GBF1: variants seen among roughly 807,000 people sequenced by gnomAD.
GBF1 encodes the protein golgi brefeldin A resistant guanine nucleotide exchange factor 1, also known as Golgi-specific brefeldin A-resistance guanine nucleotide exchange factor 1.
Under a neutral mutation model 210.5 loss-of-function variants are expected in GBF1, and 114 were observed. The observed-to-expected ratio is 0.54, with a 90% CI of 0.47 to 0.63. GBF1 has a LOEUF of 0.63. Ranked by LOEUF, GBF1 falls within the 30% of genes least tolerant of loss-of-function variation. GBF1 has a pLI of 0.00. For synonymous variants in GBF1, 850 were observed against 889.2 expected, an observed-to-expected ratio of 0.96 and a Z score of 0.78; for missense variants, 1,851 against 2,357.7, an observed-to-expected ratio of 0.79 and a Z score of 4.45.
At chr10:102,258,543 G>A (rs1232630154) in intron 1 of GBF1, among the ~76,000 whole-genome samples, 3 of 149,990 alleles carry the variant, frequency 2.0e-5, no homozygotes, top group African/African-American at 4.9e-5. Context: ...AGGCCCAGGC[G>A]GGTGGATTAC....
intron 12 of GBF1, 50 bp downstream of exon 12, chr10:102,360,445 G>T: frequency 5.7e-6 from 7 of 1,221,684 alleles, no homozygotes; most frequent in Non-Finnish European, 8.5e-6. Flanking sequence ...AGGGCCAGGG[G>T]AACACAGGGA....
At chr10:102,331,950 C>T (rs752206432) in intron 3 of GBF1, among the ~76,000 whole-genome samples, 1 of 149,714 alleles carries the variant, frequency 6.7e-6, no homozygotes, top group Non-Finnish European at 1.5e-5. Context: ...ACCTTTGCCT[C>T]CTGGGTTCAA....
At chr10:102,293,580 C>T (rs959231912) in intron 3 of GBF1, among the ~76,000 whole-genome samples, 5 of 151,970 alleles carry the variant, frequency 3.3e-5, no homozygotes, top group Non-Finnish European at 7.4e-5. Context: ...TCCAGTGGGA[C>T]AAGCTGTGGA....
chr10:102,300,093 G>C (rs570859252), intron 3 of GBF1, among the ~76,000 whole-genome samples: 1 of 152,164 alleles, frequency 6.6e-6, no homozygotes, highest in Non-Finnish European at 1.5e-5. Context: ...TGGAGGATTA[G>C]GCCTAGTATT....
In GBF1 at chr10:102,358,133, C is replaced by T. The variant is rs1470666937; in HGVS notation, c.734C>T (p.Pro245Leu). 1 of 1,613,534 alleles carries T rather than the reference C, an allele frequency of 6.2e-7. No homozygotes were observed. Among genetic ancestry groups the T allele is most frequent in the Non-Finnish European group, 8.5e-7 (1 of 1,179,478 alleles). The change falls in exon 9 of 40, where the codon CCA (proline) becomes CTA (leucine). Residue 245 changes from proline (P) to leucine (L), a missense_variant. Coordinates refer to ENST00000369983, the MANE Select transcript of GBF1 (RefSeq NM_001377137.1). ...RPPRHMTKVT[P>L]GSELPTPNGT... is the part of the protein sequence containing the mutation. ...CCACGCCATATGACCAAAGTCACAC[C>T]AGGTTCAGAGCTGCCCACTCCCAAT...
rs114352396 is a variant in GBF1, at chr10:102,248,771, A to C, written c.-11+2990A>C. On this transcript the variant is annotated intron_variant, in intron 1 of 39. Transcript: ENST00000369983. Reference sequence around the variant, plus strand: ...TACCTCAGCCTCCCAAGTAGCGGGGAACACAGATGTGCGCCATCATGCCCA... The same window carrying C: ...TACCTCAGCCTCCCAAGTAGCGGGGCACACAGATGTGCGCCATCATGCCCA... 7.0e-3 allele frequency among the ~76,000 whole-genome samples: 1,061 copies of C among 152,216 alleles called. 13 individuals are homozygous for C. The highest frequency in any genetic ancestry group is 0.024 in the African/African-American group (1,002 of 41,522).
intron 3 of GBF1, among the ~76,000 whole-genome samples, chr10:102,301,731 A>C (rs2077381677): frequency 7.3e-5 from 11 of 151,366 alleles, no homozygotes; most frequent in Admixed American, 5.9e-4. Flanking sequence ...GACGCTCCTC[A>C]CTTCCTAGAC....
chr10:102,349,876 G>T (rs1186919636), intron 4 of GBF1, among the ~76,000 whole-genome samples: 1 of 152,126 alleles, frequency 6.6e-6, no homozygotes, highest in Non-Finnish European at 1.5e-5. Flanking sequence ...GGTGCCGGTT[G>T]TCTGACCTCT....
chr10:102,336,033 G>A (rs980350251), intron 3 of GBF1, among the ~76,000 whole-genome samples: 1 of 151,998 alleles, frequency 6.6e-6, no homozygotes, highest in African/African-American at 2.4e-5. Context: ...CAGGTGCAGT[G>A]GCTCATGCCT....
At chr10:102,232,348 A>G in the GBF1 span, among the ~76,000 whole-genome samples, 1 of 152,204 alleles carries the variant, frequency 6.6e-6, no homozygotes, top group East Asian at 1.9e-4. Flanking sequence ...GAACTGTGCC[A>G]GGTATACAGT....
intron 3 of GBF1, among the ~76,000 whole-genome samples, chr10:102,304,363 C>T (rs2077653606): frequency 6.6e-6 from 1 of 152,144 alleles, no homozygotes; most frequent in Admixed American, 6.5e-5. Flanking sequence ...GTTCTGGTTG[C>T]AGCATCTAAG....
At chr10:102,273,993 C>T (rs552523946) in intron 3 of GBF1, among the ~76,000 whole-genome samples, 6 of 152,054 alleles carry the variant, frequency 3.9e-5, no homozygotes, top group Non-Finnish European at 8.8e-5. Context: ...CATTTGTCCT[C>T]GAAAGACTCC....
chr10:102,259,226 A>G (rs749747283), intron 2 of GBF1, among the ~76,000 whole-genome samples, 192 bp downstream of exon 2: 1 of 152,214 alleles, frequency 6.6e-6, no homozygotes, highest in Non-Finnish European at 1.5e-5. Flanking sequence ...TGGGACCCAA[A>G]AGATGACACC....
At chr10:102,336,261 A>G (rs1589681433) in intron 3 of GBF1, among the ~76,000 whole-genome samples, 1 of 149,650 alleles carries the variant, frequency 6.7e-6, no homozygotes, top group South Asian at 2.1e-4. Flanking sequence ...AGATCACTCC[A>G]CTGCACTCTA....
At chr10:102,348,035 C>G (rs968337487) in intron 4 of GBF1, among the ~76,000 whole-genome samples, 13 of 152,164 alleles carry the variant, frequency 8.5e-5, no homozygotes, top group African/African-American at 3.1e-4. Context: ...TTCCTGAGTT[C>G]AAGCAATTCT....
chr10:102,352,750 C>T (rs2059079034), intron 7 of GBF1, among the ~76,000 whole-genome samples: 1 of 152,146 alleles, frequency 6.6e-6, no homozygotes, highest in Admixed American at 6.5e-5. Flanking sequence ...GCCAGCAGAC[C>T]TCATTCTGCT....
At chr10:102,285,872 T>G (rs2133545200) in intron 3 of GBF1, among the ~76,000 whole-genome samples, 1 of 152,278 alleles carries the variant, frequency 6.6e-6, no homozygotes, top group East Asian at 1.9e-4. Context: ...TTTCTAACTT[T>G]TAGAAAAAAA....
Position 102,363,581 on chromosome 10 carries a change from G to C in GBF1, c.2018-129G>C, listed in dbSNP as rs1158033617. The C allele has an allele frequency of 3.7e-6, 3 of 805,590 alleles. No homozygotes were observed. Among genetic ancestry groups the C allele is most frequent in the Admixed American group, 2.1e-5 (1 of 47,098 alleles). The allele number at this position is 805,590 out of a possible 1,614,324, so 49.9% of individuals were successfully genotyped here. ...TGATAGGACTTCCAGGGAAGTGGAA[G>C]ACTGGTGAGGACAAGATTTCTGAGG... On this transcript the variant is annotated intron_variant, in intron 16 of 39. Transcript: ENST00000369983. The surrounding 1 kb of genome is among the most constrained non-coding windows in gnomAD (Gnocchi z 4.2).
intron 3 of GBF1, among the ~76,000 whole-genome samples, chr10:102,293,203 C>T (rs985361690): frequency 6.6e-6 from 1 of 152,014 alleles, no homozygotes; most frequent in Admixed American, 6.6e-5. Flanking sequence ...TGATAGTGGG[C>T]CCATAAGATT....
Sources: gnomAD v4.1 joint callset for allele counts (sites outside exome capture counted in the v4.1 genomes callset) on GRCh38, gnomAD v4.1.1 for gene constraint, Gnocchi (gnomAD v3.1) non-coding constraint, MANE v1.5 for transcripts, NCBI Gene and HGNC (gene_info 2026-07-23, HGNC 2026-07-21) for gene names.